Variants in HS6ST3 observed in about 807,000 individuals in gnomAD.
The protein encoded by HS6ST3 is heparan-sulfate 6-O-sulfotransferase 3.
Under a neutral mutation model 36.7 loss-of-function variants are expected in HS6ST3, and 12 were observed. The observed-to-expected ratio is 0.33, with a 90% confidence interval of 0.21 to 0.53. The LOEUF (loss-of-function observed/expected upper bound fraction) is 0.53, where lower values mean the gene tolerates loss of function less well. HS6ST3 is among the 20% of genes least tolerant of loss of function. The pLI is 0.95. For synonymous variants in HS6ST3, 240 were observed against 257.5 expected, an observed-to-expected ratio of 0.93 and a Z score of 0.65; for missense variants, 584 against 640.9, an observed-to-expected ratio of 0.91 and a Z score of 0.96.
rs1450550042 is a variant in HS6ST3 at position 96,261,327 on chromosome 13, T to C, written c.707+169758T>C. 3.3e-5 allele frequency among the ~76,000 whole-genome samples: 5 copies of C among 150,554 alleles called. No individual in the cohort carries two copies. The East Asian group carries it at 9.7e-4, about 29-fold the overall frequency. On this transcript the variant is annotated intron_variant, in intron 1 of 1. Transcript: ENST00000376705. Reference sequence around the variant, plus strand: ...ATGTGAATGATTTTATATATATATGTATATATGTATATACATAATGTAGTA... The same window carrying C: ...ATGTGAATGATTTTATATATATATGCATATATGTATATACATAATGTAGTA...
chr13:96,336,915 C>G (rs912471170), intron 1 of HS6ST3, among the ~76,000 whole-genome samples: 6 of 152,070 alleles, frequency 3.9e-5, no homozygotes, highest in South Asian at 2.1e-4. Flanking sequence ...ATTAAATAAC[C>G]TTTTGTTCTT....
chr13:96,474,247 C>T (rs1318516865), intron 1 of HS6ST3, among the ~76,000 whole-genome samples: 1 of 152,146 alleles, frequency 6.6e-6, no homozygotes, highest in Non-Finnish European at 1.5e-5. Flanking sequence ...TCTTTAATCA[C>T]ACTGAGTTGT....
At chr13:96,127,044 A>C (rs1005720607) in intron 1 of HS6ST3, among the ~76,000 whole-genome samples, 1 of 152,170 alleles carries the variant, frequency 6.6e-6, no homozygotes, top group Non-Finnish European at 1.5e-5. Context: ...TTTTCCAATC[A>C]AAGACAATGA....
At chr13:96,470,642 T>C (rs1488613693) in intron 1 of HS6ST3, among the ~76,000 whole-genome samples, 1 of 152,160 alleles carries the variant, frequency 6.6e-6, no homozygotes, top group East Asian at 1.9e-4. Flanking sequence ...ATGTAAGAGT[T>C]GTCTACGTTT....
intron 1 of HS6ST3, among the ~76,000 whole-genome samples, chr13:96,358,243 C>T (rs1478110798): frequency 6.6e-6 from 1 of 151,880 alleles, no homozygotes; most frequent in Non-Finnish European, 1.5e-5. Context: ...AGACAAGGAT[C>T]ATCAGTGAAT....
intron 1 of HS6ST3, among the ~76,000 whole-genome samples, chr13:96,407,932 T>C (rs1055268514): frequency 5.9e-5 from 9 of 152,086 alleles, no homozygotes; most frequent in Non-Finnish European, 8.8e-5. Context: ...ATATTCAGGA[T>C]TTTTAGCGTT....
chr13:96,215,378 A>G (rs1414531031), intron 1 of HS6ST3, among the ~76,000 whole-genome samples: 1 of 152,206 alleles, frequency 6.6e-6, no homozygotes, highest in Non-Finnish European at 1.5e-5. Flanking sequence ...ATTCCATTAA[A>G]TTGAATTCTA....
intron 1 of HS6ST3, among the ~76,000 whole-genome samples, chr13:96,335,396 G>T (rs964242390): frequency 6.6e-6 from 1 of 152,188 alleles, no homozygotes; most frequent in African/African-American, 2.4e-5. Context: ...CCTTGGTGAT[G>T]AACAGGGTGG....
chr13:96,403,053 CT>C (rs1335886132), intron 1 of HS6ST3, among the ~76,000 whole-genome samples: 4 of 152,168 alleles, frequency 2.6e-5, no homozygotes, highest in Non-Finnish European at 5.9e-5. Context: ...CATGTTCCCC[CT>C]GATCCCCGTC....
chr13:96,289,973 C>G (rs2054821807), intron 1 of HS6ST3, among the ~76,000 whole-genome samples: 1 of 152,142 alleles, frequency 6.6e-6, no homozygotes, highest in African/African-American at 2.4e-5. Flanking sequence ...ATTTTCTCCC[C>G]ATATGACCCT....
intron 1 of HS6ST3, among the ~76,000 whole-genome samples, chr13:96,187,177 G>A (rs552080836): frequency 6.6e-6 from 1 of 152,204 alleles, no homozygotes; most frequent in Non-Finnish European, 1.5e-5. Context: ...GGGCTTTAGT[G>A]TGCCTTTGTA....
chr13:96,368,447 T>A lies in HS6ST3; in HGVS notation c.707+276878T>A, dbSNP rs185240691. 3.4e-4 allele frequency among the ~76,000 whole-genome samples: 52 copies of A among 152,094 alleles called. 1 individual carries two copies. Among genetic ancestry groups the A allele is most frequent in the Admixed American group, 3.4e-3 (52 of 15,262 alleles). ...AGACTCGTTCGATGAAAAAAAGGAC[T>A]TCTCACATCATAAGCATGAATCCAG... On this transcript the variant is annotated intron_variant, in intron 1 of 1. Coordinates refer to ENST00000376705, the MANE Select transcript of HS6ST3 (RefSeq NM_153456.4).
At chr13:96,829,835 A>G (rs1247071068) in intron 1 of HS6ST3, among the ~76,000 whole-genome samples, 1 of 152,208 alleles carries the variant, frequency 6.6e-6, no homozygotes, top group Non-Finnish European at 1.5e-5. Flanking sequence ...ATAATAGAAC[A>G]ATTTATATTC....
intron 1 of HS6ST3, among the ~76,000 whole-genome samples, chr13:96,350,069 C>T (rs1200386141): frequency 6.6e-6 from 1 of 151,514 alleles, no homozygotes. Context: ...AGTGTGTAGA[C>T]TCCAAATCTG....
At chr13:96,629,303 T>G (rs1212765433) in intron 1 of HS6ST3, among the ~76,000 whole-genome samples, 3 of 152,236 alleles carry the variant, frequency 2.0e-5, no homozygotes, top group African/African-American at 4.8e-5. Flanking sequence ...CATCAATGTT[T>G]CTTTGTATTT....
chr13:96,361,643 T>A (rs2055239002), intron 1 of HS6ST3, among the ~76,000 whole-genome samples: 1 of 152,118 alleles, frequency 6.6e-6, no homozygotes, highest in Non-Finnish European at 1.5e-5. Context: ...AAGATCTGAG[T>A]GCCAAGACTC....
At chr13:96,388,524 G>C in intron 1 of HS6ST3, among the ~76,000 whole-genome samples, 1 of 152,210 alleles carries the variant, frequency 6.6e-6, no homozygotes, top group East Asian at 1.9e-4. Flanking sequence ...CATAGGCCTA[G>C]AGCTGAAGAA....
chr13:96,318,057 G>T (rs2054984824), intron 1 of HS6ST3, among the ~76,000 whole-genome samples: 1 of 152,028 alleles, frequency 6.6e-6, no homozygotes, highest in Non-Finnish European at 1.5e-5. Flanking sequence ...AGTTTAATTA[G>T]GTTCTACTTG....
chr13:96,515,207 C>T (rs1037597536), intron 1 of HS6ST3, among the ~76,000 whole-genome samples: 1 of 152,150 alleles, frequency 6.6e-6, no homozygotes, highest in African/African-American at 2.4e-5. Flanking sequence ...ACCATGAACA[C>T]GCAGCTCTAA....
Sources: gnomAD v4.1 joint callset for allele counts (sites outside exome capture counted in the v4.1 genomes callset) on GRCh38, gnomAD v4.1.1 for gene constraint, MANE v1.5 for transcripts, NCBI Gene and HGNC (gene_info 2026-07-23, HGNC 2026-07-21) for gene names.